The following ABR variants were observed in gnomAD, a reference collection of about 807,000 sequenced individuals.
ABR encodes ABR activator of RhoGEF and GTPase.
A neutral mutation model predicts 107.2 loss-of-function variants in ABR; 35 were observed. The observed-to-expected ratio is 0.33, with a 90% CI of 0.25 to 0.43. The LOEUF is 0.43. Among genes scored for constraint, ABR ranks in the 20% least tolerant of loss-of-function variants. The pLI, the probability that ABR is intolerant of heterozygous loss-of-function variation, is 1.00. For synonymous variants in ABR, 498 were observed against 462.0 expected (o/e 1.08, Z -1.00); for missense variants, 815 against 1,115.2 (o/e 0.73, Z 3.83).
At chr17:1,152,136 A>G (rs1256447249) in intron 1 of ABR, among the ~76,000 whole-genome samples, 1 of 152,240 alleles carries the variant, frequency 6.6e-6, no homozygotes, top group East Asian at 1.9e-4. Context: ...AAAAATACAA[A>G]AAAGTTAGCT....
intron 16 of ABR, among the ~76,000 whole-genome samples, chr17:1,015,423 A>AG (rs2071072181): frequency 6.6e-6 from 1 of 150,952 alleles, no homozygotes; most frequent in Non-Finnish European, 1.5e-5. Context: ...GTCTCAAGAA[A>AG]AAAAAAAAAA....
At chr17:1,032,650 C>A (rs530246459) in intron 16 of ABR, among the ~76,000 whole-genome samples, 17 of 151,266 alleles carry the variant, frequency 1.1e-4, no homozygotes, top group African/African-American at 3.1e-4. Context: ...CACCCGTGTC[C>A]GTGCTGGGCG....
chr17:1,201,758 C>A (rs1159975728), intron 1 of ABR, among the ~76,000 whole-genome samples: 1 of 151,904 alleles, frequency 6.6e-6, no homozygotes, highest in Non-Finnish European at 1.5e-5. Context: ...CTCACTGCAA[C>A]CTCTGCCTCC....
chr17:1,073,602 C>A, intron 7 of ABR, 23 bp downstream of exon 7: 1 of 1,550,242 alleles, frequency 6.5e-7, no homozygotes, highest in Admixed American at 1.8e-5. Flanking sequence ...CCCTCTCTGG[C>A]CATTCGGAGG....
chr17:1,012,979 T>C, intron 17 of ABR, 126 bp downstream of exon 17: 1 of 1,228,360 alleles, frequency 8.1e-7, no homozygotes, highest in Non-Finnish European at 1.2e-6. Flanking sequence ...GAGAGGGGGC[T>C]GGGCTGCGGG....
At chr17:1,135,531 G>A (rs2040023547) in intron 1 of ABR, among the ~76,000 whole-genome samples, 1 of 151,892 alleles carries the variant, frequency 6.6e-6, no homozygotes. Context: ...AGAGGGAAGA[G>A]CAGCTGAGGG....
intron 16 of ABR, among the ~76,000 whole-genome samples, chr17:1,026,620 G>A (rs1167182108): frequency 1.3e-5 from 2 of 152,174 alleles, no homozygotes; most frequent in Non-Finnish European, 2.9e-5. Flanking sequence ...AGGGCCAAGG[G>A]TCTACGGCTC....
At chr17:1,152,813 G>T (rs1210944134) in intron 1 of ABR, among the ~76,000 whole-genome samples, 1 of 152,022 alleles carries the variant, frequency 6.6e-6, no homozygotes, top group Non-Finnish European at 1.5e-5. Flanking sequence ...TCTGACACAG[G>T]CCGGGCGCGG....
chr17:1,125,218 C>G lies in ABR; in HGVS notation c.211G>C (p.Val71Leu), dbSNP rs765186007. 6.2e-7 allele frequency: 1 copy of G among 1,604,844 alleles called. No individual in the cohort carries two copies. The highest frequency in any genetic ancestry group is 8.5e-7 in the Non-Finnish European group (1 of 1,174,484). ...AGTCCCTCAGGTGGAGTCGGGGAGA[C>G]GCCATCCCCCCCGCCCTGGCTGCGG... is the stretch of plus-strand genomic sequence containing the variant. ...SARSQGGGDG[V>L]SPTPPEGLAP... The change falls in exon 2 of 23, where the codon GTC becomes CTC. Residue 71 changes from valine to leucine, a missense_variant. Val to Leu is a conservative substitution (Grantham distance 32). Transcript: ENST00000302538.
chr17:1,050,235 T>A lies in ABR; in HGVS notation c.1660-54A>T. On this transcript the variant is annotated intron_variant, in intron 15 of 22. Coordinates refer to ENST00000302538, the MANE Select transcript of ABR (RefSeq NM_021962.5). The surrounding 1 kb of genome is among the most constrained non-coding windows in gnomAD (Gnocchi z 4.6). Reference sequence around the variant, plus strand: ...AACCTCCGAAGCTGGGAGGCCTGGCTTTCCGGCAGGTGCGTGCCTCAGCTT... The same window carrying A: ...AACCTCCGAAGCTGGGAGGCCTGGCATTCCGGCAGGTGCGTGCCTCAGCTT... The A allele has an allele frequency of 6.3e-7, 1 of 1,578,026 alleles. No homozygotes were observed. Among genetic ancestry groups the A allele is most frequent in the Non-Finnish European group, 8.6e-7 (1 of 1,166,206 alleles).
At chr17:1,100,972 T>C (rs144178102) in intron 2 of ABR, 10,317 of 549,254 alleles carry the variant, frequency 0.019, 226 homozygotes, top group East Asian at 0.09. Context: ...TACAGGCACC[T>C]GCCACCATGC....
intron 12 of ABR, 69 bp downstream of exon 12, chr17:1,057,901 C>G: frequency 7.0e-7 from 1 of 1,431,174 alleles, no homozygotes; most frequent in Non-Finnish European, 9.9e-7. Flanking sequence ...ACATGAAACG[C>G]TTAGAAATAC....
intron 16 of ABR, among the ~76,000 whole-genome samples, chr17:1,022,843 C>T (rs1029724992): frequency 6.6e-6 from 1 of 152,252 alleles, no homozygotes; most frequent in Non-Finnish European, 1.5e-5. Context: ...GCTTCCCCTC[C>T]AACACCAGAG....
chr17:1,228,597 C>T (rs937369806), intron 1 of ABR, among the ~76,000 whole-genome samples: 3 of 152,166 alleles, frequency 2.0e-5, no homozygotes, highest in Non-Finnish European at 2.9e-5. Context: ...CCGAGCTTAA[C>T]GTCGCCTTGC....
chr17:1,094,922 C>T (rs546535988), intron 3 of ABR, among the ~76,000 whole-genome samples: 3 of 152,246 alleles, frequency 2.0e-5, no homozygotes, highest in East Asian at 3.9e-4. Context: ...GAGTGTCCCC[C>T]CAAGCCCAGG....
intron 1 of ABR, among the ~76,000 whole-genome samples, chr17:1,199,352 A>C (rs529271324): frequency 6.6e-6 from 1 of 151,052 alleles, no homozygotes; most frequent in Non-Finnish European, 1.5e-5. Flanking sequence ...GTCATAGACC[A>C]CCAAGAGGCC....
At chr17:1,220,894 C>T (rs780124002) in intron 1 of ABR, among the ~76,000 whole-genome samples, 8 of 152,148 alleles carry the variant, frequency 5.3e-5, no homozygotes, top group Non-Finnish European at 7.3e-5. Flanking sequence ...GGGGTCTAAA[C>T]GACGGTCCCC....
At chr17:1,169,213 A>G (rs1054155809) in intron 1 of ABR, among the ~76,000 whole-genome samples, 1 of 152,240 alleles carries the variant, frequency 6.6e-6, no homozygotes, top group Non-Finnish European at 1.5e-5. Context: ...AGGAGGGCAG[A>G]GAAGACCTGG....
At chr17:1,220,428 G>T (rs73281104) in intron 1 of ABR, among the ~76,000 whole-genome samples, 14,252 of 152,230 alleles carry the variant, frequency 0.094, 936 homozygotes, top group African/African-American at 0.18. Flanking sequence ...GAACAGGATC[G>T]CTGCGGAAAG....
Sources: allele counts gnomAD v4.1 joint callset (sites outside exome capture counted in the v4.1 genomes callset), GRCh38; gene constraint gnomAD v4.1.1; non-coding constraint Gnocchi (gnomAD v3.1); transcripts MANE v1.5; gene names NCBI Gene and HGNC (gene_info 2026-07-23, HGNC 2026-07-21).